Variants in GTSF1 observed in about 807,000 individuals in gnomAD.
GTSF1 encodes the protein gametocyte specific factor 1, also known as gametocyte-specific factor 1.
Under a neutral mutation model 28.9 loss-of-function variants are expected in GTSF1, and 11 were observed. The ratio of observed to expected loss-of-function variants is 0.38; its 90% CI spans 0.24 to 0.63. The LOEUF (loss-of-function observed/expected upper bound fraction) is 0.63, where lower values mean the gene tolerates loss of function less well. GTSF1 is among the 30% of genes least tolerant of loss of function. The pLI is 0.56. For missense variants in GTSF1, 146 were observed against 201.0 expected (o/e 0.73, Z 1.66); for synonymous variants, 69 against 65.6 (o/e 1.05, Z -0.25).
chr12:54,463,129 G>A (rs966708987), intron 4 of GTSF1, 42 bp downstream of exon 4: 1 of 1,589,868 alleles, frequency 6.3e-7, no homozygotes, highest in Non-Finnish European at 8.6e-7. Context: ...ATCTGAAGGA[G>A]CTACCCTCCA....
chr12:54,456,745 T>C (rs1269158800), intron 8 of GTSF1, among the ~76,000 whole-genome samples: 1 of 152,244 alleles, frequency 6.6e-6, no homozygotes, highest in Non-Finnish European at 1.5e-5. Flanking sequence ...ATTTCTTTTG[T>C]ATCCTTCCAA....
chr12:54,457,933 T>C (rs1956360061), intron 8 of GTSF1, among the ~76,000 whole-genome samples: 1 of 152,242 alleles, frequency 6.6e-6, no homozygotes. Flanking sequence ...TGTTAACTTT[T>C]AGCATCTCTT....
At chr12:54,470,900 T>G (rs111465411) in intron 2 of GTSF1, among the ~76,000 whole-genome samples, 35 of 152,302 alleles carry the variant, frequency 2.3e-4, no homozygotes, top group African/African-American at 8.4e-4. Context: ...TCCTAAAAAC[T>G]AATGTACATC....
At chr12:54,470,340 G>A (rs1956579487) in intron 2 of GTSF1, among the ~76,000 whole-genome samples, 1 of 152,176 alleles carries the variant, frequency 6.6e-6, no homozygotes, top group Admixed American at 6.5e-5. Context: ...CCAGCAATCT[G>A]GTTCAACAAG....
chr12:54,465,163 G>A lies in GTSF1; in HGVS notation c.21C>T (p.Asp7=). 3.7e-6 allele frequency: 6 copies of A among 1,612,158 alleles called. No individual in the cohort carries two copies. The highest frequency in any genetic ancestry group is 5.1e-6 in the Non-Finnish European group (6 of 1,178,430). ...GCAATAGCTTCTCAGGGTCCAGGGA[G>A]TCGGCTGAAAGACAGAAGTGTTTCA... The part of the protein sequence containing the change: MEETYT[D]SLDPEKLLQC... The change falls in exon 3 of 9, where the codon GAC becomes GAT. Residue 7 remains aspartate, a synonymous_variant. Transcript: ENST00000305879.
chr12:54,471,131 T>A lies in GTSF1; in HGVS notation c.16+102A>T. ...ATAAAGACTTTTCCTCCTTAGCAGT[T>A]GAGAAGTCCGACTTCTTCCCAGCAC... On this transcript the variant is annotated intron_variant, in intron 2 of 8. Coordinates refer to ENST00000305879, the MANE Select transcript of GTSF1 (RefSeq NM_144594.3). 4 of 833,132 alleles carry A rather than the reference T, an allele frequency of 4.8e-6. No homozygotes were observed. The South Asian group carries it at 1.0e-4, about 21-fold the overall frequency. 51.6% of individuals were successfully genotyped at this position (833,132 alleles called of 1,614,324 possible).
chr12:54,468,534 C>T (rs780941890), intron 2 of GTSF1, among the ~76,000 whole-genome samples: 4 of 152,168 alleles, frequency 2.6e-5, no homozygotes, highest in Non-Finnish European at 5.9e-5. Context: ...TGTCTGGCTT[C>T]CTGGGAATAT....
intron 4 of GTSF1, 113 bp downstream of exon 4, chr12:54,463,058 A>C (rs1315288694): frequency 6.8e-6 from 7 of 1,024,726 alleles, no homozygotes; most frequent in Non-Finnish European, 1.0e-5. Flanking sequence ...AAGGTGGAAA[A>C]GTATTGTTCT....
chr12:54,468,933 T>C (rs1050654421), intron 2 of GTSF1: 32 of 152,012 alleles, frequency 2.1e-4, no homozygotes, highest in African/African-American at 7.2e-4. Flanking sequence ...CCAGGTGATA[T>C]TTAAGAAAAA....
chr12:54,471,130 T>G (rs190815342), intron 2 of GTSF1, 103 bp downstream of exon 2: 3 of 819,510 alleles, frequency 3.7e-6, no homozygotes, highest in Admixed American at 6.5e-5. Context: ...TCCTTAGCAG[T>G]TGAGAAGTCC....
chr12:54,460,986 A>C (rs1956412075), intron 6 of GTSF1, among the ~76,000 whole-genome samples: 1 of 152,238 alleles, frequency 6.6e-6, no homozygotes. Flanking sequence ...GAAAAAAGTG[A>C]AGTCTAGCAT....
At chr12:54,464,324 C>G (rs1156429059) in intron 3 of GTSF1, among the ~76,000 whole-genome samples, 1 of 152,140 alleles carries the variant, frequency 6.6e-6, no homozygotes, top group Non-Finnish European at 1.5e-5. Context: ...GATCCTTGCT[C>G]TCGAGATTAA....
chr12:54,466,839 A>T, intron 2 of GTSF1: 1 of 101,860 alleles, frequency 9.8e-6, no homozygotes, highest in Admixed American at 1.3e-4. Flanking sequence ...TTTTTTTGAC[A>T]GAGTCTTATT....
At chr12:54,473,421 G>T (rs1565663720) in intron 1 of GTSF1, 125 bp downstream of exon 1, 2 of 152,312 alleles carry the variant, frequency 1.3e-5, no homozygotes, top group Admixed American at 6.5e-5. Flanking sequence ...CAAAATAGCT[G>T]CATTGAGAGC....
chr12:54,469,154 C>T (rs1565661859), intron 2 of GTSF1, among the ~76,000 whole-genome samples: 1 of 152,114 alleles, frequency 6.6e-6, no homozygotes, highest in Non-Finnish European at 1.5e-5. Context: ...TCTTGGTTTA[C>T]TGCAACCTCC....
At chr12:54,461,440 AG>A (rs1051285166) in intron 6 of GTSF1, among the ~76,000 whole-genome samples, 1 of 151,980 alleles carries the variant, frequency 6.6e-6, no homozygotes, top group East Asian at 1.9e-4. Flanking sequence ...TGGGAGGCAG[AG>A]GGGGGAGGAT....
chr12:54,458,325 T>A (rs1393986069), intron 8 of GTSF1, among the ~76,000 whole-genome samples: 6 of 152,222 alleles, frequency 3.9e-5, no homozygotes, highest in Non-Finnish European at 8.8e-5. Context: ...AATACTCAGA[T>A]AAGATCGACA....
chr12:54,469,269 G>A (rs1336804183), intron 2 of GTSF1, among the ~76,000 whole-genome samples: 1 of 152,046 alleles, frequency 6.6e-6, no homozygotes, highest in East Asian at 2.0e-4. Flanking sequence ...AGTAGAGACG[G>A]GGTTTCACTA....
chr12:54,457,482 G>A (rs1565656190), intron 8 of GTSF1, among the ~76,000 whole-genome samples: 1 of 152,200 alleles, frequency 6.6e-6, no homozygotes. Flanking sequence ...GTCTCACTAT[G>A]TTGCCTAGGC....
Sources: gnomAD v4.1 joint callset for allele counts (sites outside exome capture counted in the v4.1 genomes callset) on GRCh38, gnomAD v4.1.1 for gene constraint, MANE v1.5 for transcripts, NCBI Gene and HGNC (gene_info 2026-07-23, HGNC 2026-07-21) for gene names.